The following PLEKHG4 variants were observed in gnomAD, a reference collection of about 807,000 sequenced individuals.
PLEKHG4 encodes the protein puratrophin-1.
PLEKHG4 carries 85 observed loss-of-function variants against 136.9 expected under a neutral mutation model. That is an observed-to-expected ratio of 0.62 (90% CI 0.52 to 0.74). The LOEUF is 0.74. Among genes scored for constraint, PLEKHG4 ranks in the 30% least tolerant of loss-of-function variants. The pLI is 0.00. For missense variants in PLEKHG4, 1,317 were observed against 1,527.8 expected (o/e 0.86, Z 2.30); for synonymous variants, 577 against 646.9 (o/e 0.89, Z 1.64).
In PLEKHG4 at chr16:67,280,356, T is replaced by A. The variant is rs1322436109; in HGVS notation, c.312T>A (p.Ser104Arg). The A allele has an allele frequency of 9.9e-6, 16 of 1,612,740 alleles. No homozygotes were observed. The highest frequency in any genetic ancestry group is 1.3e-5 in the Non-Finnish European group (15 of 1,179,714). ...SEGPGPSGVE[S>R]LLCPMSSHLS... is the part of the protein sequence containing the mutation. ...GGCCAGGCCCCTCTGGAGTGGAGAGTCTCCTATGCCCCATGTCCTCCCACC... is the reference window on the plus strand; with the variant it reads ...GGCCAGGCCCCTCTGGAGTGGAGAGACTCCTATGCCCCATGTCCTCCCACC... The change falls in exon 2 of 22, where the codon AGT becomes AGA. Residue 104 changes from serine to arginine, a missense_variant. Ser to Arg is a moderately radical substitution (Grantham distance 110, BLOSUM62 -1). Coordinates refer to ENST00000379344, the MANE Select transcript of PLEKHG4 (RefSeq NM_001129729.3). The surrounding 1 kb of genome is among the most constrained non-coding windows in gnomAD (Gnocchi z 4.4).
intron 18 of PLEKHG4, chr16:67,287,664 A>G: frequency 1.7e-6 from 1 of 592,668 alleles, no homozygotes; most frequent in Middle Eastern, 4.4e-4. Flanking sequence ...AAGTGTTGGG[A>G]TTACAGGCGT....
At position 67,288,326 on chromosome 16, in the gene PLEKHG4, G is replaced by T; in HGVS notation, c.3380G>T (p.Cys1127Phe). ...YRDPALLGLR[C>F]PLYPSFPEEA... is the part of the protein sequence containing the mutation. ...GACCCAGCTCTTCTGGGTCTCCGCT[G>T]TCCCCTGTATCCCAGCTTCCCAGAG... Residue 1127 changes from cysteine (C) to phenylalanine (F), a missense_variant, in exon 20 of 22, where the codon TGT becomes TTT. By Grantham distance (205) the Cys-to-Phe change is radical. Transcript: ENST00000379344. The T allele has an allele frequency of 1.2e-6, 2 of 1,612,206 alleles. No individual in the cohort carries two copies. The highest frequency in any genetic ancestry group is 1.7e-6 in the Non-Finnish European group (2 of 1,179,994).
chr16:67,288,478 T>G lies in PLEKHG4; in HGVS notation c.3455-11T>G. The G allele has an allele frequency of 6.2e-7, 1 of 1,614,106 alleles. No individual in the cohort carries two copies. Among genetic ancestry groups the G allele is most frequent in the South Asian group, 1.1e-5 (1 of 91,084 alleles). On this transcript the variant is annotated splice_polypyrimidine_tract_variant and intron_variant, in intron 20 of 21. Coordinates refer to ENST00000379344, the MANE Select transcript of PLEKHG4 (RefSeq NM_001129729.3). ...TCCCGTGCTGACAGTTCACCCAGTC[T>G]CCCTCCCTAGCTGCTGAGGACTCAG...
Position 67,288,695 on chromosome 16 carries a change from C to T in PLEKHG4, c.3570+91C>T, listed in dbSNP as rs2036604791. 1.9e-6 allele frequency: 3 copies of T among 1,596,520 alleles called. No individual in the cohort carries two copies. In the East Asian group the frequency reaches 6.7e-5, roughly 36 times the overall value. On this transcript the variant is annotated intron_variant, in intron 21 of 21. Transcript: ENST00000379344. Reference sequence around the variant, plus strand: ...CAGCCCCTCCCCAGCCCAGGCTAGGCCTTTACTTTGGGTAGAGCTTGGGGT... The same window carrying T: ...CAGCCCCTCCCCAGCCCAGGCTAGGTCTTTACTTTGGGTAGAGCTTGGGGT...
At chr16:67,277,945 G>C (rs1050593974), upstream of PLEKHG4, 1 of 152,502 alleles carries the variant, frequency 6.6e-6, no homozygotes, top group Non-Finnish European at 1.5e-5. Context: ...CAGGGTGCCA[G>C]GTCAGCTATA....
In PLEKHG4 at chr16:67,288,979, G is replaced by A. The variant is rs1041564424; in HGVS notation, c.*171G>A. 3.5e-5 allele frequency: 27 copies of A among 780,512 alleles called. No individual in the cohort carries two copies. Among genetic ancestry groups the A allele is most frequent in the Non-Finnish European group, 4.2e-5 (19 of 451,752 alleles). 48.3% of individuals were successfully genotyped at this position (780,512 alleles called of 1,614,324 possible). ...GTGTGGCCATTGGACTAACTGGCAC[G>A]GGGCCTCTCTAGGGAAGTCTGGTTG... On this transcript the variant is annotated 3_prime_UTR_variant, in exon 22 of 22. Coordinates refer to ENST00000379344, the MANE Select transcript of PLEKHG4 (RefSeq NM_001129729.3).
Position 67,284,556 on chromosome 16 carries a change from G to T in PLEKHG4, c.1692+99G>T. Reference sequence around the variant, plus strand: ...TGAGCTTTTCTTGGTCATGCTGCCTGTTCTCTTCCCTGGTCTTCAGTTTGA... The same window carrying T: ...TGAGCTTTTCTTGGTCATGCTGCCTTTTCTCTTCCCTGGTCTTCAGTTTGA... On this transcript the variant is annotated intron_variant, in intron 12 of 21. Coordinates refer to ENST00000379344, the MANE Select transcript of PLEKHG4 (RefSeq NM_001129729.3). This position sits in a 1 kb window ranked among gnomAD's most constrained non-coding sequence, Gnocchi z 4.4. The T allele has an allele frequency of 6.7e-7, 1 of 1,483,538 alleles. No homozygotes were observed. Among genetic ancestry groups the T allele is most frequent in the South Asian group, 1.2e-5 (1 of 85,740 alleles). 91.9% of individuals were successfully genotyped at this position (1,483,538 alleles called of 1,614,324 possible).
chr16:67,284,686 A>G lies in PLEKHG4; in HGVS notation c.1693-27A>G. 6.2e-7 allele frequency: 1 copy of G among 1,611,578 alleles called. No homozygotes were observed. Among genetic ancestry groups the G allele is most frequent in the South Asian group, 1.1e-5 (1 of 90,772 alleles). On this transcript the variant is annotated intron_variant, in intron 12 of 21. Coordinates refer to ENST00000379344, the MANE Select transcript of PLEKHG4 (RefSeq NM_001129729.3). The surrounding 1 kb of genome is among the most constrained non-coding windows in gnomAD (Gnocchi z 4.4). ...AGCAGGCTTGGCAGGATCTTCCTCTAATGCTTGTCCGGCCCTGGTGTTGCA... is the reference window on the plus strand; with the variant it reads ...AGCAGGCTTGGCAGGATCTTCCTCTGATGCTTGTCCGGCCCTGGTGTTGCA...
intron 5 of PLEKHG4, 73 bp from the exon 6 acceptor site, chr16:67,281,494 G>T (rs986895449): frequency 8.8e-5 from 115 of 1,313,338 alleles, no homozygotes; most frequent in Non-Finnish European, 1.2e-4. Flanking sequence ...CCAGAGTGCC[G>T]CAATTACAGG....
rs749794511 is a variant in PLEKHG4 at position 67,287,902 on chromosome 16, G to A, written c.3108G>A (p.Val1036=). Reference sequence around the variant, plus strand: ...TTATGTCCACTCTCCACCCAGAGGTGCGCATGGCTGAGATGGTGTCCATGG... The same window carrying A: ...TTATGTCCACTCTCCACCCAGAGGTACGCATGGCTGAGATGGTGTCCATGG... ...LWRQAVHNKE[V]RMAEMVSMGV... The change falls in exon 19 of 22, where the codon GTG becomes GTA. Residue 1036 remains valine, a synonymous_variant. Transcript: ENST00000379344. 8 of 1,607,450 alleles carry A rather than the reference G, an allele frequency of 5.0e-6. No homozygotes were observed. The highest frequency in any genetic ancestry group is 1.1e-5 in the South Asian group (1 of 90,950).
intron 14 of PLEKHG4, 81 bp downstream of exon 14, chr16:67,285,617 C>A: frequency 2.6e-6 from 4 of 1,524,498 alleles, no homozygotes; most frequent in South Asian, 2.2e-5. Flanking sequence ...TGGTGCCAGT[C>A]CCTGTGCTAT....
intron 11 of PLEKHG4, among the ~76,000 whole-genome samples, chr16:67,283,244 C>T (rs1168273358): frequency 2.0e-5 from 3 of 151,936 alleles, no homozygotes; most frequent in East Asian, 1.9e-4. Flanking sequence ...GGATGGAGGA[C>T]GGTGTGCCTG....
At position 67,284,696 on chromosome 16, in the gene PLEKHG4, C is replaced by G. The variant is rs200589768; in HGVS notation, c.1693-17C>G. 1.9e-6 allele frequency: 3 copies of G among 1,612,546 alleles called. 1 individual carries two copies. The African/African-American group carries it at 4.0e-5, about 21-fold the overall frequency. ...GCAGGATCTTCCTCTAATGCTTGTC[C>G]GGCCCTGGTGTTGCAGGCCTTGACG... On this transcript the variant is annotated splice_polypyrimidine_tract_variant and intron_variant, in intron 12 of 21. Transcript: ENST00000379344. This position sits in a 1 kb window ranked among gnomAD's most constrained non-coding sequence, Gnocchi z 4.4.
chr16:67,278,552 G>A (rs776414309), upstream of PLEKHG4: 18 of 152,152 alleles, frequency 1.2e-4, no homozygotes, highest in Non-Finnish European at 2.5e-4. Flanking sequence ...TGCCCTAAAG[G>A]GACCTCAAAT....
In PLEKHG4 at chr16:67,282,620, C is replaced by T. The variant is rs766599449; in HGVS notation, c.1371C>T (p.Ala457=). 6.2e-7 allele frequency: 1 copy of T among 1,613,942 alleles called. No individual in the cohort carries two copies. The highest frequency in any genetic ancestry group is 8.5e-7 in the Non-Finnish European group (1 of 1,180,036). ...QALELVQTLE[A]RESGLHQIEV... ...TAGAGTTGGTCCAAACACTGGAGGC[C>T]CGGGAAAGCGGACTGCACCAGGTCG... is the stretch of plus-strand genomic sequence containing the variant. The change falls in exon 10 of 22, where the codon GCC becomes GCT. Residue 457 remains alanine, a synonymous_variant. Transcript: ENST00000379344.
rs760961974 is a variant in PLEKHG4 at position 67,280,408 on chromosome 16, ACC to A, written c.367_368del (p.Pro123ArgfsTer52). On this transcript the variant is annotated frameshift_variant, in exon 2 of 22. Coordinates refer to ENST00000379344, the MANE Select transcript of PLEKHG4 (RefSeq NM_001129729.3). LOFTEE classifies it high-confidence loss of function. The surrounding 1 kb of genome is among the most constrained non-coding windows in gnomAD (Gnocchi z 4.4). ...CAGCTTGGCACAGGGTGAGAGTGACACCCCAGGGGTAGGGTTGGTAGGGGACC... is the reference window on the plus strand; with the variant it reads ...CAGCTTGGCACAGGGTGAGAGTGACACCAGGGGTAGGGTTGGTAGGGGACC... ...HLSLAQGESD[T>X]PGVGLVGDPG... 39 of 1,606,634 alleles carry A rather than the reference ACC, an allele frequency of 2.4e-5. No homozygotes were observed. The highest frequency in any genetic ancestry group is 3.2e-5 in the Non-Finnish European group (38 of 1,175,398).
intron 6 of PLEKHG4, 29 bp from the exon 7 acceptor site, chr16:67,281,695 C>A: frequency 6.2e-7 from 1 of 1,613,236 alleles, no homozygotes; most frequent in Non-Finnish European, 8.5e-7. Flanking sequence ...CCCCCCAGGC[C>A]TGGGTCACAA....
In PLEKHG4 at chr16:67,280,855, CAGG is replaced by C; in HGVS notation, c.596-24_596-22del. On this transcript the variant is annotated intron_variant, in intron 3 of 21. Coordinates refer to ENST00000379344, the MANE Select transcript of PLEKHG4 (RefSeq NM_001129729.3). This position sits in a 1 kb window ranked among gnomAD's most constrained non-coding sequence, Gnocchi z 4.4. ...GTGGAGGTGGAGTGGCCCAATACGGCAGGAGTTCACTGCTTCCTCCCCACAGGG... is the reference window on the plus strand; with the variant it reads ...GTGGAGGTGGAGTGGCCCAATACGGCAGTTCACTGCTTCCTCCCCACAGGG... The C allele has an allele frequency of 1.2e-6, 2 of 1,613,326 alleles. No homozygotes were observed. The highest frequency in any genetic ancestry group is 1.7e-6 in the Non-Finnish European group (2 of 1,180,026).
rs777483435 is a variant in PLEKHG4, at chr16:67,280,877, C to T, written c.596-5C>T. 6.2e-7 allele frequency: 1 copy of T among 1,613,060 alleles called. No individual in the cohort carries two copies. The highest frequency in any genetic ancestry group is 8.5e-7 in the Non-Finnish European group (1 of 1,180,022). ...CGGCAGGAGTTCACTGCTTCCTCCC[C>T]ACAGGGACTCGGGATGTCCAAGGCC... is the stretch of plus-strand genomic sequence containing the variant. On this transcript the variant is annotated splice_region_variant and splice_polypyrimidine_tract_variant and intron_variant, in intron 3 of 21. Coordinates refer to ENST00000379344, the MANE Select transcript of PLEKHG4 (RefSeq NM_001129729.3). This position sits in a 1 kb window ranked among gnomAD's most constrained non-coding sequence, Gnocchi z 4.4.
Sources: gnomAD v4.1 joint callset for allele counts (sites outside exome capture counted in the v4.1 genomes callset) on GRCh38, gnomAD v4.1.1 for gene constraint, Gnocchi (gnomAD v3.1) non-coding constraint, MANE v1.5 for transcripts, NCBI Gene and HGNC (gene_info 2026-07-23, HGNC 2026-07-21) for gene names.